WDR17: variants seen among roughly 807,000 people sequenced by gnomAD.
WDR17 encodes WD repeat domain 17, also known as WD repeat-containing protein 17.
Under a neutral mutation model 161.7 loss-of-function variants are expected in WDR17, and 143 were observed. The observed-to-expected ratio is 0.88, with a 90% CI of 0.77 to 1.02. WDR17 has a LOEUF of 1.02. Among genes scored for constraint, WDR17 ranks in the 50% least tolerant of loss-of-function variants. The probability of loss-of-function intolerance (pLI) is 0.00; values close to 1 mark genes in which losing one functional copy is unlikely to be tolerated. For synonymous variants in WDR17, 517 were observed against 515.6 expected, an observed-to-expected ratio of 1.00 and a Z score of -0.04; for missense variants, 1,469 against 1,520.9, an observed-to-expected ratio of 0.97 and a Z score of 0.57.
rs1280531397 is a variant in WDR17, at chr4:176,160,132, A to G, written c.2658+6A>G. The G allele has an allele frequency of 6.2e-7, 1 of 1,613,024 alleles. No homozygotes were observed. The highest frequency in any genetic ancestry group is 1.7e-5 in the Admixed American group (1 of 59,976). ...AAGCTCTGCTTGTTGCACAGGTAAAACCACAGAACTACCCCAGTCACATAC... is the reference window on the plus strand; with the variant it reads ...AAGCTCTGCTTGTTGCACAGGTAAAGCCACAGAACTACCCCAGTCACATAC... On this transcript the variant is annotated splice_donor_region_variant and intron_variant, in intron 19 of 28. Coordinates refer to ENST00000508596, the MANE Select transcript of WDR17 (RefSeq NM_181265.4).
chr4:176,083,300 C>T (rs962215343), intron 1 of WDR17, among the ~76,000 whole-genome samples: 1 of 152,022 alleles, frequency 6.6e-6, no homozygotes, highest in Non-Finnish European at 1.5e-5. Context: ...ATGATTCGTG[C>T]TACACAAACA....
chr4:176,107,194 A>G (rs1421171760), intron 1 of WDR17, among the ~76,000 whole-genome samples: 2 of 152,030 alleles, frequency 1.3e-5, no homozygotes, highest in Non-Finnish European at 2.9e-5. Context: ...AAAGTTGCTC[A>G]ACATTATTAA....
chr4:176,099,614 T>C (rs989491766), intron 1 of WDR17, among the ~76,000 whole-genome samples: 1 of 152,206 alleles, frequency 6.6e-6, no homozygotes, highest in Non-Finnish European at 1.5e-5. Context: ...TATAAAATTA[T>C]GGAGTACAAG....
rs1194464748 is a variant in WDR17, at chr4:176,119,950, A to T, written c.391A>T (p.Thr131Ser). The change falls in exon 4 of 29, where the codon ACC becomes TCC. Residue 131 changes from threonine (T) to serine (S), a missense_variant. Transcript: ENST00000508596. ...CCACAGAGGCCCACTGTTCATTTGGACCATCTCAGGACCAGATAGTGGAGT... is the reference window on the plus strand; with the variant it reads ...CCACAGAGGCCCACTGTTCATTTGGTCCATCTCAGGACCAGATAGTGGAGT... ...VSHRGPLFIW[T>S]ISGPDSGVIV... The T allele has an allele frequency of 6.2e-7, 1 of 1,613,884 alleles. No homozygotes were observed. Among genetic ancestry groups the T allele is most frequent in the African/African-American group, 1.3e-5 (1 of 74,868 alleles).
chr4:176,137,762 A>G, intron 9 of WDR17, 151 bp downstream of exon 9: 1 of 436,666 alleles, frequency 2.3e-6, no homozygotes, highest in Non-Finnish European at 3.7e-6. Context: ...GAGAATACTC[A>G]CATACTAAAA....
chr4:176,105,278 G>C (rs1408532576), intron 1 of WDR17, among the ~76,000 whole-genome samples: 1 of 151,884 alleles, frequency 6.6e-6, no homozygotes, highest in Admixed American at 6.6e-5. Flanking sequence ...ATAATAGTTG[G>C]ATAATTCAAT....
At chr4:176,151,681 C>CT (rs1213092637) in intron 16 of WDR17, 131 bp from the exon 17 acceptor site, 3 of 792,562 alleles carry the variant, frequency 3.8e-6, no homozygotes, top group East Asian at 2.9e-5. Flanking sequence ...AAGCATTTAT[C>CT]TTTTTTTGTG....
intron 2 of WDR17, among the ~76,000 whole-genome samples, chr4:176,114,112 A>G (rs959084376): frequency 2.0e-5 from 3 of 152,050 alleles, no homozygotes; most frequent in Non-Finnish European, 2.9e-5. Context: ...TCTTTTACTG[A>G]ATTTCTAAAT....
intron 2 of WDR17, among the ~76,000 whole-genome samples, chr4:176,112,006 T>G (rs1272608399): frequency 6.6e-6 from 1 of 152,192 alleles, no homozygotes; most frequent in East Asian, 1.9e-4. Flanking sequence ...TGAGATATTA[T>G]TGGGAGAAAA....
At chr4:176,085,972 T>G (rs1735369960) in intron 1 of WDR17, among the ~76,000 whole-genome samples, 1 of 152,020 alleles carries the variant, frequency 6.6e-6, no homozygotes, top group Non-Finnish European at 1.5e-5. Flanking sequence ...TTAATCTAGC[T>G]GCAACCCACA....
chr4:176,179,392 C>T lies in WDR17; in HGVS notation c.3733-68C>T, dbSNP rs531943096. On this transcript the variant is annotated intron_variant, in intron 28 of 28. Transcript: ENST00000508596. ...TTTTTTTATTGCAGTGATTCTCTTT[C>T]TGAAAGTTTAAAAATACTTTGCAAA... 6.7e-6 allele frequency: 9 copies of T among 1,345,450 alleles called. No homozygotes were observed. The East Asian group carries it at 2.2e-4, about 32-fold the overall frequency. The allele number at this position is 1,345,450 out of a possible 1,614,324, so 83.3% of individuals were successfully genotyped here.
At chr4:176,168,513 T>G in intron 22 of WDR17, 159 bp from the exon 23 acceptor site, 2 of 745,706 alleles carry the variant, frequency 2.7e-6, no homozygotes, top group Non-Finnish European at 4.1e-6. Flanking sequence ...GTAATCTGCA[T>G]TTACAGTAGT....
intron 24 of WDR17, among the ~76,000 whole-genome samples, chr4:176,172,767 A>AT (rs1160479612): frequency 1.3e-5 from 2 of 152,152 alleles, no homozygotes; most frequent in African/African-American, 4.8e-5. Flanking sequence ...GTGCAGGAGC[A>AT]GGCATATCAC....
chr4:176,131,412 G>A, intron 6 of WDR17, 142 bp from the exon 7 acceptor site: 1 of 783,270 alleles, frequency 1.3e-6, no homozygotes, highest in Non-Finnish European at 1.9e-6. Context: ...CAATCCCAAA[G>A]AACTGCTTAT....
In WDR17 at chr4:176,162,405, A is replaced by G. The variant is rs552485020; in HGVS notation, c.2850+231A>G. Among the ~76,000 whole-genome samples the G allele has an allele frequency of 8.5e-4, 129 of 152,318 alleles. 1 individual carries two copies. The highest frequency in any genetic ancestry group is 2.8e-3 in the African/African-American group (115 of 41,580). On this transcript the variant is annotated intron_variant, in intron 21 of 28. Transcript: ENST00000508596. ...TTCTTTTATTTCTACCACAAGACACATATTTATAACAACCTTGTTTTAAAC... is the reference window on the plus strand; with the variant it reads ...TTCTTTTATTTCTACCACAAGACACGTATTTATAACAACCTTGTTTTAAAC...
chr4:176,131,242 T>C (rs1399552308), intron 6 of WDR17, among the ~76,000 whole-genome samples: 1 of 152,184 alleles, frequency 6.6e-6, no homozygotes, highest in African/African-American at 2.4e-5. Flanking sequence ...GAAGGAAGTT[T>C]ATAATTCAGA....
intron 6 of WDR17, among the ~76,000 whole-genome samples, chr4:176,130,239 T>A (rs1743133401): frequency 1.3e-5 from 2 of 152,170 alleles, no homozygotes; most frequent in African/African-American, 4.8e-5. Flanking sequence ...ACCTATAATG[T>A]CAATTAAAGT....
At chr4:176,178,481 T>C (rs573583666) in intron 28 of WDR17, among the ~76,000 whole-genome samples, 9 of 152,296 alleles carry the variant, frequency 5.9e-5, no homozygotes, top group African/African-American at 2.2e-4. Context: ...CTTTTCTCCA[T>C]CTGACCTTGA....
At chr4:176,121,720 C>T (rs1741614396) in intron 4 of WDR17, among the ~76,000 whole-genome samples, 1 of 152,076 alleles carries the variant, frequency 6.6e-6, no homozygotes, top group South Asian at 2.1e-4. Context: ...GACATTGAGA[C>T]TTTTTATTGT....
Sources: allele counts gnomAD v4.1 joint callset (sites outside exome capture counted in the v4.1 genomes callset), GRCh38; gene constraint gnomAD v4.1.1; transcripts MANE v1.5; gene names NCBI Gene and HGNC (gene_info 2026-07-23, HGNC 2026-07-21).